BCKDHB: variants seen among roughly 807,000 people sequenced by gnomAD.
The protein encoded by BCKDHB is 2-oxoisovalerate dehydrogenase subunit beta, mitochondrial.
Under a neutral mutation model 48.5 loss-of-function variants are expected in BCKDHB, and 41 were observed. The observed-to-expected ratio is 0.85, with a 90% CI of 0.66 to 1.10. BCKDHB has a LOEUF of 1.10. Among genes scored for constraint, BCKDHB ranks in the 50% least tolerant of loss-of-function variants. The pLI is 0.00. For synonymous variants in BCKDHB, 201 were observed against 174.8 expected, an observed-to-expected ratio of 1.15 and a Z score of -1.18; for missense variants, 496 against 494.2, an observed-to-expected ratio of 1.00 and a Z score of -0.03.
intron 9 of BCKDHB, among the ~76,000 whole-genome samples, chr6:80,293,286 C>G (rs1022960039): frequency 6.6e-6 from 1 of 152,228 alleles, no homozygotes; most frequent in East Asian, 1.9e-4. Context: ...TTCCACACAT[C>G]CTCTGAAATC....
intron 9 of BCKDHB, chr6:80,307,993 C>T (rs947143424): frequency 3.9e-5 from 34 of 866,520 alleles, no homozygotes; most frequent in Non-Finnish European, 4.7e-5. Context: ...AAGAATTCTA[C>T]AATCACAACT....
At chr6:80,259,759 A>G (rs1777214438) in intron 8 of BCKDHB, among the ~76,000 whole-genome samples, 1 of 152,214 alleles carries the variant, frequency 6.6e-6, no homozygotes, top group African/African-American at 2.4e-5. Flanking sequence ...ACACCAATTT[A>G]TATGCTTAAT....
chr6:80,395,132 G>C, the BCKDHB span, among the ~76,000 whole-genome samples: 2 of 152,140 alleles, frequency 1.3e-5, no homozygotes, highest in Non-Finnish European at 2.9e-5. Flanking sequence ...GCCTAATACA[G>C]TAAATTGGCA....
chr6:80,253,224 G>A (rs1437800874), intron 8 of BCKDHB, among the ~76,000 whole-genome samples: 1 of 152,158 alleles, frequency 6.6e-6, no homozygotes, highest in Admixed American at 6.6e-5. Context: ...GAGCTTTGGG[G>A]CAGAGAGACC....
At chr6:80,294,672 C>A (rs905709885) in intron 9 of BCKDHB, among the ~76,000 whole-genome samples, 4 of 152,166 alleles carry the variant, frequency 2.6e-5, no homozygotes, top group African/African-American at 9.7e-5. Context: ...CTGAGATACA[C>A]CCTGGTCTCC....
the BCKDHB span, among the ~76,000 whole-genome samples, chr6:80,362,844 A>C: frequency 1.3e-5 from 2 of 152,216 alleles, no homozygotes; most frequent in Non-Finnish European, 2.9e-5. Flanking sequence ...TTGAATTTTA[A>C]ATTTAATAAA....
At chr6:80,119,518 G>A (rs11961937) in intron 1 of BCKDHB, among the ~76,000 whole-genome samples, 10,924 of 151,938 alleles carry the variant, frequency 0.072, 592 homozygotes, top group South Asian at 0.24. Context: ...ATGGGGTTTC[G>A]CCATGTTAGC....
the BCKDHB span, among the ~76,000 whole-genome samples, chr6:80,385,478 C>A: frequency 2.5e-3 from 382 of 152,270 alleles, 3 homozygotes; most frequent in African/African-American, 8.7e-3. Flanking sequence ...CTCTAATGAA[C>A]CTTTTTTGCC....
At chr6:80,295,474 C>T (rs904213746) in intron 9 of BCKDHB, among the ~76,000 whole-genome samples, 4 of 151,802 alleles carry the variant, frequency 2.6e-5, no homozygotes, top group African/African-American at 9.7e-5. Flanking sequence ...AAGACATGCC[C>T]CCATGATTCA....
chr6:80,261,668 A>T (rs190582382), intron 8 of BCKDHB, among the ~76,000 whole-genome samples: 1 of 152,116 alleles, frequency 6.6e-6, no homozygotes, highest in African/African-American at 2.4e-5. Flanking sequence ...TTCACGTTTC[A>T]TCTGTATCCT....
rs1770092983 is a variant in BCKDHB, at chr6:80,344,496, C to T, written c.*692C>T. Reference sequence around the variant, plus strand: ...GAGTAGCTGGGACTACAGGTGTGCACCAACATGCCCAGCTAATTTTTTATA... The same window carrying T: ...GAGTAGCTGGGACTACAGGTGTGCATCAACATGCCCAGCTAATTTTTTATA... On this transcript the variant is annotated 3_prime_UTR_variant, in exon 10 of 10. Coordinates refer to ENST00000320393, the MANE Select transcript of BCKDHB (RefSeq NM_183050.4). 1 of 152,520 alleles carries T rather than the reference C, an allele frequency of 6.6e-6. No individual in the cohort carries two copies. Among genetic ancestry groups the T allele is most frequent in the Non-Finnish European group, 1.5e-5 (1 of 68,470 alleles). The allele number at this position is 152,520 out of a possible 1,614,324, so 9.4% of individuals were successfully genotyped here. A position where few individuals can be genotyped will look rare whatever the true frequency, so the allele number is the denominator to read the frequency against.
intron 6 of BCKDHB, among the ~76,000 whole-genome samples, chr6:80,188,015 GAC>G (rs1773725293): frequency 6.6e-6 from 1 of 152,082 alleles, no homozygotes; most frequent in Non-Finnish European, 1.5e-5. Flanking sequence ...CTACCATAAA[GAC>G]ACATGCACGT....
chr6:80,436,148 T>TTTTC, the BCKDHB span, among the ~76,000 whole-genome samples: 1 of 15,696 alleles, frequency 6.4e-5, no homozygotes, highest in African/African-American at 2.1e-4. Context: ...AATTCTTTTC[T>TTTTC]TTTTTTTTTT....
At chr6:80,132,053 G>A (rs971928417) in intron 3 of BCKDHB, among the ~76,000 whole-genome samples, 29 of 151,748 alleles carry the variant, frequency 1.9e-4, no homozygotes, top group African/African-American at 7.0e-4. Flanking sequence ...AGGAACTTGA[G>A]CTTTTTAAAA....
chr6:80,216,544 G>A (rs1775180030), intron 8 of BCKDHB, among the ~76,000 whole-genome samples: 1 of 151,870 alleles, frequency 6.6e-6, no homozygotes, highest in Non-Finnish European at 1.5e-5. Context: ...TGTTTTTGGT[G>A]TCCTCTTATA....
chr6:80,452,373 T>G, the BCKDHB span, among the ~76,000 whole-genome samples: 2 of 152,186 alleles, frequency 1.3e-5, no homozygotes, highest in African/African-American at 4.8e-5. Flanking sequence ...ACGATTGCCA[T>G]TATCTGGTAA....
At chr6:80,201,912 G>A (rs377331048) in intron 7 of BCKDHB, among the ~76,000 whole-genome samples, 2 of 152,138 alleles carry the variant, frequency 1.3e-5, no homozygotes, top group South Asian at 4.1e-4. Flanking sequence ...AATATCACAA[G>A]CTCCTACTCT....
intron 6 of BCKDHB, among the ~76,000 whole-genome samples, chr6:80,175,249 A>C (rs1733218887): frequency 6.6e-6 from 1 of 152,204 alleles, no homozygotes; most frequent in Non-Finnish European, 1.5e-5. Context: ...TTAAAGAATA[A>C]CTTGAAGATT....
At chr6:80,254,414 G>A (rs1221759885) in intron 8 of BCKDHB, among the ~76,000 whole-genome samples, 2 of 152,052 alleles carry the variant, frequency 1.3e-5, no homozygotes, top group African/African-American at 4.8e-5. Flanking sequence ...AATTCCAGCA[G>A]CCTGGGTGCG....
Sources: gnomAD v4.1 joint callset for allele counts (sites outside exome capture counted in the v4.1 genomes callset) on GRCh38, gnomAD v4.1.1 for gene constraint, MANE v1.5 for transcripts, NCBI Gene and HGNC (gene_info 2026-07-23, HGNC 2026-07-21) for gene names.